The following FHIT variants were observed in gnomAD, a reference collection of about 807,000 sequenced individuals.
FHIT encodes fragile histidine triad diadenosine triphosphatase.
In FHIT, 19 loss-of-function variants were observed where a neutral mutation model predicts 17.9. The observed-to-expected ratio is 1.06, with a 90% CI of 0.74 to 1.56. The LOEUF (loss-of-function observed/expected upper bound fraction) is 1.56. Ranked by LOEUF, FHIT falls within the 40% of genes most tolerant of loss-of-function variation. FHIT has a pLI of 0.00. For synonymous variants in FHIT, 81 were observed against 69.7 expected, an observed-to-expected ratio of 1.16 and a Z score of -0.81; for missense variants, 248 against 189.2, an observed-to-expected ratio of 1.31 and a Z score of -1.82.
chr3:60,022,347 C>T (rs1700583135), intron 5 of FHIT, among the ~76,000 whole-genome samples: 1 of 152,198 alleles, frequency 6.6e-6, no homozygotes, highest in South Asian at 2.1e-4. Context: ...AGGTTACTGC[C>T]ATGTCTGGGC....
At chr3:60,182,126 C>A (rs577228746) in intron 5 of FHIT, among the ~76,000 whole-genome samples, 2 of 152,138 alleles carry the variant, frequency 1.3e-5, no homozygotes, top group African/African-American at 2.4e-5. Context: ...ACTGTCCTGG[C>A]GCCAATGGGA....
At chr3:61,095,036 A>G (rs1276849976) in intron 2 of FHIT, among the ~76,000 whole-genome samples, 1 of 152,240 alleles carries the variant, frequency 6.6e-6, no homozygotes, top group Non-Finnish European at 1.5e-5. Context: ...TAAGAATTAG[A>G]TACTGCAATG....
chr3:60,201,530 C>A (rs1352462027), intron 5 of FHIT, among the ~76,000 whole-genome samples: 1 of 152,004 alleles, frequency 6.6e-6, no homozygotes, highest in East Asian at 1.9e-4. Context: ...ATTTAACAAC[C>A]ACCCTACCCC....
chr3:60,373,288 G>C (rs1261022391), intron 5 of FHIT, among the ~76,000 whole-genome samples: 1 of 152,150 alleles, frequency 6.6e-6, no homozygotes, highest in Admixed American at 6.5e-5. Flanking sequence ...GTCAGAGAAG[G>C]ATGACCTGAG....
intron 5 of FHIT, among the ~76,000 whole-genome samples, chr3:60,156,838 T>C (rs1450137534): frequency 6.6e-6 from 1 of 152,166 alleles, no homozygotes; most frequent in African/African-American, 2.4e-5. Context: ...ATCTAATGTA[T>C]GAATTGTGAC....
intron 3 of FHIT, among the ~76,000 whole-genome samples, chr3:60,960,609 C>T (rs1439454787): frequency 2.7e-5 from 4 of 148,438 alleles, no homozygotes; most frequent in Non-Finnish European, 4.5e-5. Context: ...TGTGTGGCCC[C>T]GGTGTGTGAT....
chr3:60,035,946 T>C (rs1701199154), intron 5 of FHIT, among the ~76,000 whole-genome samples: 2 of 152,208 alleles, frequency 1.3e-5, no homozygotes, highest in South Asian at 2.1e-4. Context: ...TATTTGTCCA[T>C]GGTGGGCCAG....
intron 5 of FHIT, among the ~76,000 whole-genome samples, chr3:60,207,611 C>T (rs1448879340): frequency 6.6e-6 from 1 of 152,046 alleles, no homozygotes; most frequent in Admixed American, 6.6e-5. Flanking sequence ...TTTAATATGG[C>T]GGTGATGAGA....
chr3:60,534,410 G>A (rs1235652435), intron 5 of FHIT, among the ~76,000 whole-genome samples: 6 of 120,728 alleles, frequency 5.0e-5, no homozygotes, highest in Middle Eastern at 7.0e-3. Flanking sequence ...TCCGCAGTCC[G>A]GCCTGGGCGA....
chr3:60,955,441 T>A (rs1553778392), intron 3 of FHIT, among the ~76,000 whole-genome samples: 1 of 151,932 alleles, frequency 6.6e-6, no homozygotes. Flanking sequence ...AGCATTTATA[T>A]CAGGAGGTTC....
At chr3:60,103,404 G>A (rs1051794854) in intron 5 of FHIT, among the ~76,000 whole-genome samples, 1 of 152,112 alleles carries the variant, frequency 6.6e-6, no homozygotes, top group Non-Finnish European at 1.5e-5. Context: ...GTTCAAAGAA[G>A]TGACCAAAGC....
chr3:59,910,769 T>C (rs559824301), intron 8 of FHIT, among the ~76,000 whole-genome samples: 50 of 152,330 alleles, frequency 3.3e-4, no homozygotes, highest in Middle Eastern at 6.8e-3. Flanking sequence ...AAGTGGCTTA[T>C]GTATGTAAAT....
At chr3:60,384,319 T>A (rs4679534) in intron 5 of FHIT, among the ~76,000 whole-genome samples, 1 of 151,960 alleles carries the variant, frequency 6.6e-6, no homozygotes, top group Non-Finnish European at 1.5e-5. Flanking sequence ...ATTACTAATC[T>A]AATAATAACT....
chr3:61,169,411 T>C (rs983550435), intron 2 of FHIT, among the ~76,000 whole-genome samples: 9 of 152,208 alleles, frequency 5.9e-5, no homozygotes, highest in Non-Finnish European at 5.9e-5. Context: ...ATAAAATCTT[T>C]AGCATGTGTT....
chr3:60,113,794 G>T (rs955982790), intron 5 of FHIT, among the ~76,000 whole-genome samples: 1 of 150,054 alleles, frequency 6.7e-6, no homozygotes. Flanking sequence ...GAGGTGAGGA[G>T]ATCGAGACCA....
intron 8 of FHIT, among the ~76,000 whole-genome samples, chr3:59,774,549 T>A (rs1702217706): frequency 6.6e-6 from 1 of 152,210 alleles, no homozygotes; most frequent in African/African-American, 2.4e-5. Flanking sequence ...TATGTGAACT[T>A]CCTTAAATAG....
intron 5 of FHIT, among the ~76,000 whole-genome samples, chr3:60,466,086 C>G (rs954802660): frequency 2.6e-5 from 4 of 151,910 alleles, no homozygotes; most frequent in African/African-American, 9.7e-5. Context: ...ATAGATTTCA[C>G]TGTGGACATC....
intron 5 of FHIT, among the ~76,000 whole-genome samples, chr3:60,390,382 G>C (rs1160186660): frequency 2.9e-5 from 3 of 105,134 alleles, no homozygotes; most frequent in Non-Finnish European, 5.2e-5. Context: ...GGTCCCTTAA[G>C]ATTGTAATGG....
At chr3:60,470,588 A>G (rs1256815428) in intron 5 of FHIT, among the ~76,000 whole-genome samples, 1 of 151,800 alleles carries the variant, frequency 6.6e-6, no homozygotes, top group African/African-American at 2.4e-5. Flanking sequence ...GCCAGTCCTG[A>G]GTCTCTCTCC....
Sources: allele counts gnomAD v4.1 joint callset (sites outside exome capture counted in the v4.1 genomes callset), GRCh38; gene constraint gnomAD v4.1.1; transcripts MANE v1.5; gene names NCBI Gene and HGNC (gene_info 2026-07-23, HGNC 2026-07-21).